Variants in NR1H4 observed in about 807,000 individuals in gnomAD.
NR1H4 encodes the protein bile acid receptor.
Under a neutral mutation model 58.5 loss-of-function variants are expected in NR1H4, and 23 were observed. The ratio of observed to expected loss-of-function variants is 0.39; its 90% confidence interval spans 0.28 to 0.56. NR1H4 has a LOEUF of 0.56. NR1H4 is among the 20% of genes least tolerant of loss of function. The probability of loss-of-function intolerance (pLI) is 0.58; values close to 1 mark genes in which losing one functional copy is unlikely to be tolerated. For missense variants in NR1H4, 487 were observed against 576.9 expected, an observed-to-expected ratio of 0.84 and a Z score of 1.60; for synonymous variants, 214 against 198.0, an observed-to-expected ratio of 1.08 and a Z score of -0.68.
At chr12:100,526,291 A>G (rs921239772) in intron 4 of NR1H4, among the ~76,000 whole-genome samples, 3 of 151,828 alleles carry the variant, frequency 2.0e-5, no homozygotes, top group Admixed American at 1.3e-4. Context: ...CAATATATGC[A>G]TTTTAATGCT....
intron 4 of NR1H4, among the ~76,000 whole-genome samples, chr12:100,518,806 T>C (rs1954334411): frequency 6.7e-6 from 1 of 149,350 alleles, no homozygotes; most frequent in Admixed American, 6.7e-5. Context: ...TTTTTTTTTT[T>C]TTTTGAGATG....
chr12:100,542,138 G>A (rs781283633), intron 9 of NR1H4, among the ~76,000 whole-genome samples: 17 of 151,784 alleles, frequency 1.1e-4, no homozygotes, highest in Non-Finnish European at 2.4e-4. Context: ...TTGAAATCAG[G>A]AGTTCAAGAC....
rs1376176597 is a variant in NR1H4, at chr12:100,563,515, C to T, written c.*26C>T. On this transcript the variant is annotated 3_prime_UTR_variant, in exon 11 of 11. Transcript: ENST00000392986. ...TGGGGATTACAGGGGAGGGGTCTAG[C>T]TCCTTTTTCTCTCTCATATTAATCT... 2.6e-6 allele frequency: 4 copies of T among 1,515,472 alleles called. No homozygotes were observed. The highest frequency in any genetic ancestry group is 3.7e-6 in the Non-Finnish European group (4 of 1,089,972). 93.9% of individuals were successfully genotyped at this position (1,515,472 alleles called of 1,614,324 possible). A position where few individuals can be genotyped will look rare whatever the true frequency, so the allele number is the denominator to read the frequency against.
At chr12:100,517,571 T>C (rs777822821) in intron 4 of NR1H4, among the ~76,000 whole-genome samples, 6 of 152,232 alleles carry the variant, frequency 3.9e-5, no homozygotes, top group Non-Finnish European at 8.8e-5. Context: ...CTGGATTATA[T>C]AGTAGTTACA....
At chr12:100,563,156 C>A in intron 10 of NR1H4, 95 bp from the exon 11 acceptor site, 1 of 973,182 alleles carries the variant, frequency 1.0e-6, no homozygotes, top group Non-Finnish European at 1.6e-6. Flanking sequence ...CAACATTTAA[C>A]TTACACTTCA....
At chr12:100,552,955 G>A (rs1955237068) in intron 9 of NR1H4, among the ~76,000 whole-genome samples, 1 of 151,652 alleles carries the variant, frequency 6.6e-6, no homozygotes, top group African/African-American at 2.4e-5. Context: ...CCCTTTATGG[G>A]TCAGGCAGCA....
At chr12:100,539,427 A>G (rs1350031389) in intron 8 of NR1H4, among the ~76,000 whole-genome samples, 1 of 152,176 alleles carries the variant, frequency 6.6e-6, no homozygotes, top group Non-Finnish European at 1.5e-5. Flanking sequence ...CCTGAGGGCA[A>G]TAAGACAGGG....
intron 4 of NR1H4, among the ~76,000 whole-genome samples, chr12:100,525,904 A>G (rs1307757212): frequency 6.6e-6 from 1 of 152,130 alleles, no homozygotes; most frequent in Non-Finnish European, 1.5e-5. Flanking sequence ...GCAAATTAGC[A>G]GGCTTGGAGT....
chr12:100,536,532 A>G lies in NR1H4; in HGVS notation c.753A>G (p.Pro251=), dbSNP rs958159330. ...TGTAGGAGAAAACTGAACTCACCCC[A>G]GATCAACAGACTCTTCTACATTTTA... ...KSCREKTELT[P]DQQTLLHFIM... Residue 251 remains proline, a synonymous_variant, in exon 7 of 11, where the codon CCA becomes CCG. Transcript: ENST00000392986. The G allele has an allele frequency of 5.0e-6, 8 of 1,608,934 alleles. No homozygotes were observed. In the African/African-American group the frequency reaches 6.7e-5, roughly 13 times the overall value.
At chr12:100,553,275 G>A (rs1304067642) in intron 9 of NR1H4, among the ~76,000 whole-genome samples, 1 of 152,146 alleles carries the variant, frequency 6.6e-6, no homozygotes, top group Non-Finnish European at 1.5e-5. Context: ...TGGGATTACA[G>A]GTGTGAGTCA....
intron 9 of NR1H4, among the ~76,000 whole-genome samples, chr12:100,552,640 T>C (rs1955228192): frequency 6.6e-6 from 1 of 152,216 alleles, no homozygotes. Context: ...AAGAAATATC[T>C]GGCCAGTCAC....
intron 1 of NR1H4, among the ~76,000 whole-genome samples, chr12:100,488,354 T>C (rs906716548): frequency 6.6e-6 from 1 of 152,354 alleles, no homozygotes; most frequent in South Asian, 2.1e-4. Flanking sequence ...TAGACTGCTT[T>C]CTCTACTTGT....
intron 1 of NR1H4, among the ~76,000 whole-genome samples, chr12:100,476,242 G>C (rs1953268456): frequency 6.6e-6 from 1 of 152,104 alleles, no homozygotes; most frequent in Non-Finnish European, 1.5e-5. Context: ...GGGGAGCGGC[G>C]AGGGGGGACC....
chr12:100,487,318 T>A (rs1291935912), intron 1 of NR1H4, among the ~76,000 whole-genome samples: 2 of 152,232 alleles, frequency 1.3e-5, no homozygotes, highest in Non-Finnish European at 2.9e-5. Context: ...CCTTTTATTT[T>A]AAAAATACTT....
At chr12:100,480,761 C>T (rs1953362111) in intron 1 of NR1H4, among the ~76,000 whole-genome samples, 1 of 152,166 alleles carries the variant, frequency 6.6e-6, no homozygotes, top group Non-Finnish European at 1.5e-5. Context: ...TCCATTAATT[C>T]TCATAGTTCT....
intron 4 of NR1H4, among the ~76,000 whole-genome samples, chr12:100,517,769 T>C (rs1954304784): frequency 6.6e-6 from 1 of 152,184 alleles, no homozygotes; most frequent in African/African-American, 2.4e-5. Flanking sequence ...TCCTGATGAT[T>C]AGTGGTGTTG....
intron 9 of NR1H4, among the ~76,000 whole-genome samples, chr12:100,544,302 A>G (rs956917294): frequency 1.3e-5 from 2 of 152,112 alleles, no homozygotes; most frequent in Middle Eastern, 3.4e-3. Context: ...ATTCTTACAA[A>G]ACTAATAAAA....
At chr12:100,554,986 T>C (rs554513044) in intron 9 of NR1H4, among the ~76,000 whole-genome samples, 1 of 152,334 alleles carries the variant, frequency 6.6e-6, no homozygotes, top group South Asian at 2.1e-4. Flanking sequence ...TTACATTTTC[T>C]CTATATTCAC....
At chr12:100,486,528 T>A (rs1593040084) in intron 1 of NR1H4, among the ~76,000 whole-genome samples, 1 of 152,180 alleles carries the variant, frequency 6.6e-6, no homozygotes, top group East Asian at 1.9e-4. Flanking sequence ...AAGGCAAAAT[T>A]AAATATCAGA....
Sources: gnomAD v4.1 joint callset for allele counts (sites outside exome capture counted in the v4.1 genomes callset) on GRCh38, gnomAD v4.1.1 for gene constraint, MANE v1.5 for transcripts, NCBI Gene and HGNC (gene_info 2026-07-23, HGNC 2026-07-21) for gene names.